The following HSPG2 variants were observed in gnomAD, a reference collection of about 807,000 sequenced individuals.
HSPG2 encodes basement membrane-specific heparan sulfate proteoglycan core protein.
In HSPG2, 278 loss-of-function variants were observed where a neutral mutation model predicts 526.6. That is an observed-to-expected ratio of 0.53 (90% CI 0.48 to 0.58). The LOEUF is 0.58. Among genes scored for constraint, HSPG2 ranks in the 20% least tolerant of loss-of-function variants. The probability of loss-of-function intolerance (pLI) is 0.00; values close to 1 mark genes in which losing one functional copy is unlikely to be tolerated. For synonymous variants in HSPG2, 2,465 were observed against 2,555.4 expected (o/e 0.96, Z 1.07); for missense variants, 5,354 against 6,099.5 (o/e 0.88, Z 4.07).
At chr1:21,829,270 G>A (rs2097991265) in intron 87 of HSPG2, 113 bp downstream of exon 87, 8 of 1,383,192 alleles carry the variant, frequency 5.8e-6, no homozygotes, top group African/African-American at 2.8e-5. Context: ...ACAGGAAGAG[G>A]GGACTTGCCC....
Position 21,844,308 on chromosome 1 carries a change from C to T in HSPG2, c.8465-9G>A, listed in dbSNP as rs774053797. On this transcript the variant is annotated splice_polypyrimidine_tract_variant and intron_variant, in intron 64 of 96. Coordinates refer to ENST00000374695, the MANE Select transcript of HSPG2 (RefSeq NM_005529.7). ...TGGGGCTCCACCTGGGGCTGGGGCA[C>T]AGGGGAGAGGTCAGTGAGCTGAGAT... 5.0e-6 allele frequency: 8 copies of T among 1,610,472 alleles called. No individual in the cohort carries two copies. In the East Asian group the frequency reaches 1.6e-4, roughly 31 times the overall value.
At chr1:21,894,604 G>A (rs1425195700) in intron 3 of HSPG2, among the ~76,000 whole-genome samples, 1 of 152,076 alleles carries the variant, frequency 6.6e-6, no homozygotes, top group Non-Finnish European at 1.5e-5. Context: ...CTCTGGCCTC[G>A]TCTGCCCTCA....
In HSPG2 at chr1:21,831,691, C is replaced by A; in HGVS notation, c.11313G>T (p.Leu3771=). ...TGACCGGGGCCAGGTCACCCACAAT[C>A]AGGGAGCCCTGGGTGAGGCTGCGCA... ...TLLRSLTQGS[L]IVGDLAPVNG... Residue 3771 remains leucine, a synonymous_variant, in exon 82 of 97, where the codon CTG becomes CTT. Transcript: ENST00000374695. 6.2e-7 allele frequency: 1 copy of A among 1,605,870 alleles called. No individual in the cohort carries two copies. The highest frequency in any genetic ancestry group is 8.5e-7 in the Non-Finnish European group (1 of 1,175,598).
intron 1 of HSPG2, among the ~76,000 whole-genome samples, chr1:21,928,463 CAG>C (rs1644262772): frequency 6.6e-6 from 1 of 152,226 alleles, no homozygotes; most frequent in Non-Finnish European, 1.5e-5. Context: ...AGTTTTGAGA[CAG>C]AGTCTCGCAA....
At chr1:21,916,071 G>GAA (rs1027701117) in intron 1 of HSPG2, among the ~76,000 whole-genome samples, 1 of 122,468 alleles carries the variant, frequency 8.2e-6, no homozygotes, top group African/African-American at 3.4e-5. Flanking sequence ...AGAAGAAGAA[G>GAA]AAAAAAAAAA....
chr1:21,865,432 C>G lies in HSPG2; in HGVS notation c.4315-67G>C, dbSNP rs1471123640. 1 of 1,434,360 alleles carries G rather than the reference C, an allele frequency of 7.0e-7. No homozygotes were observed. The highest frequency in any genetic ancestry group is 1.4e-5 in the African/African-American group (1 of 71,374). The allele number at this position is 1,434,360 out of a possible 1,614,324, so 88.9% of individuals were successfully genotyped here. A position where few individuals can be genotyped will look rare whatever the true frequency, so the allele number is the denominator to read the frequency against. ...CCCTGGGGTGCCAGGGTGTCCTCCACCAGTCCTAGATTCTCTGTAACCCCC... is the reference window on the plus strand; with the variant it reads ...CCCTGGGGTGCCAGGGTGTCCTCCAGCAGTCCTAGATTCTCTGTAACCCCC... On this transcript the variant is annotated intron_variant, in intron 34 of 96. Transcript: ENST00000374695. The surrounding 1 kb of genome is among the most constrained non-coding windows in gnomAD (Gnocchi z 5.4).
chr1:21,910,377 C>CT (rs1289201913), intron 1 of HSPG2, among the ~76,000 whole-genome samples: 1 of 152,222 alleles, frequency 6.6e-6, no homozygotes, highest in Non-Finnish European at 1.5e-5. Context: ...AAAATGCCTC[C>CT]TCCAGGAAGC....
At chr1:21,844,457 G>A (rs374127482) in intron 64 of HSPG2, among the ~76,000 whole-genome samples, 158 bp from the exon 65 acceptor site, 1 of 152,232 alleles carries the variant, frequency 6.6e-6, no homozygotes, top group Admixed American at 6.5e-5. Flanking sequence ...AGCCTGGGAG[G>A]TGGAGGCACT....
At chr1:21,878,850 G>T in intron 18 of HSPG2, 144 bp downstream of exon 18, 1 of 1,222,666 alleles carries the variant, frequency 8.2e-7, no homozygotes, top group Middle Eastern at 2.7e-4. Context: ...GGAAACAGAG[G>T]CCTAGAGAGG....
Position 21,828,891 on chromosome 1 carries a change from C to A in HSPG2, c.12181G>T (p.Val4061Leu), listed in dbSNP as rs751181582. The A allele has an allele frequency of 1.3e-6, 2 of 1,554,748 alleles. No homozygotes were observed. Residue 4061 changes from valine (V) to leucine (L), a missense_variant, in exon 88 of 97, where the codon GTG becomes TTG. Transcript: ENST00000374695. This position sits in a 1 kb window ranked among gnomAD's most constrained non-coding sequence, Gnocchi z 6.0. ...ATGTTGGTGGCCGGGGACAGTGGCA[C>A]GGAAGGCTCCACACCCCCCAGGTAG... ...LLYLGGVEPSVPLSPATNMSA... is the reference protein window; with the variant it reads ...LLYLGGVEPSLPLSPATNMSA...
intron 1 of HSPG2, among the ~76,000 whole-genome samples, chr1:21,934,885 G>A (rs368566408): frequency 1.3e-5 from 2 of 151,784 alleles, no homozygotes; most frequent in South Asian, 2.1e-4. Context: ...GTGTGCCACC[G>A]CGCCTGGCCC....
At chr1:21,909,448 GACC>G (rs1163585063) in intron 1 of HSPG2, among the ~76,000 whole-genome samples, 1 of 152,158 alleles carries the variant, frequency 6.6e-6, no homozygotes, top group Non-Finnish European at 1.5e-5. Flanking sequence ...AAGGAAACCT[GACC>G]AGTCCCTAGA....
intron 1 of HSPG2, among the ~76,000 whole-genome samples, chr1:21,907,714 A>AT (rs1202077118): frequency 6.6e-6 from 1 of 151,974 alleles, no homozygotes; most frequent in Non-Finnish European, 1.5e-5. Flanking sequence ...AGGTCTCGCT[A>AT]TGTTGCCCAG....
rs2098047109 is a variant in HSPG2 at position 21,841,219 on chromosome 1, A to G, written c.9395T>C (p.Leu3132Pro). ...GGGCTCCCCGGCACTGACACACTCC[A>G]GGGTGACAGCCTTTCCCACTTTCAC... Reference protein sequence around the residue: ...VWVKVGKAVTLECVSAGEPRS... With the variant: ...VWVKVGKAVTPECVSAGEPRS... The change falls in exon 71 of 97, where the codon CTG (leucine) becomes CCG (proline). Residue 3132 changes from leucine (L) to proline (P), a missense_variant. Coordinates refer to ENST00000374695, the MANE Select transcript of HSPG2 (RefSeq NM_005529.7). 1.2e-6 allele frequency: 2 copies of G among 1,613,892 alleles called. No individual in the cohort carries two copies. Among genetic ancestry groups the G allele is most frequent in the Non-Finnish European group, 1.7e-6 (2 of 1,180,036 alleles).
Position 21,841,783 on chromosome 1 carries a change from G to T in HSPG2, c.9194-110C>A, listed in dbSNP as rs34470509. 79,804 of 1,442,394 alleles carry T rather than the reference G, an allele frequency of 0.055. 2,669 individuals are homozygous for T. Among genetic ancestry groups the T allele is most frequent in the South Asian group, 0.11 (9,197 of 85,132 alleles). 89.3% of individuals were successfully genotyped at this position (1,442,394 alleles called of 1,614,324 possible). ...CACTTCCCCAATCCCTCCGGCCTGG[G>T]TGTGTCTAGCTCATGGAGTCGCAGA... On this transcript the variant is annotated intron_variant, in intron 69 of 96. Transcript: ENST00000374695.
rs143419262 is a variant in HSPG2 at position 21,854,343 on chromosome 1, C to T, written c.6289G>A (p.Val2097Met). 5.8e-5 allele frequency: 91 copies of T among 1,566,652 alleles called. No homozygotes were observed. The African/African-American group carries it at 1.0e-3, about 18-fold the overall frequency. Residue 2097 changes from valine (V) to methionine (M), a missense_variant and splice_region_variant, in exon 50 of 97, where the codon GTG becomes ATG. Coordinates refer to ENST00000374695, the MANE Select transcript of HSPG2 (RefSeq NM_005529.7). Reference sequence around the variant, plus strand: ...GGGAGCCGCAGACGGGAGCCGTGCACCTGGGCCAGGAGGAGCCAGAGGTAC... The same window carrying T: ...GGGAGCCGCAGACGGGAGCCGTGCATCTGGGCCAGGAGGAGCCAGAGGTAC... ...RGGSLPPHTQ[V>M]HGSRLRLPQV...
intron 91 of HSPG2, among the ~76,000 whole-genome samples, chr1:21,826,025 C>T (rs1405775869): frequency 6.6e-6 from 1 of 152,054 alleles, no homozygotes; most frequent in Admixed American, 6.5e-5. Flanking sequence ...TCAGGTGATC[C>T]ACCCACCTTG....
Position 21,904,054 on chromosome 1 carries a change from T to C in HSPG2, c.64-7744A>G, listed in dbSNP as rs920492612. Among the ~76,000 whole-genome samples the C allele has an allele frequency of 6.6e-6, 1 of 152,192 alleles. No individual in the cohort carries two copies. On this transcript the variant is annotated intron_variant, in intron 1 of 96. Coordinates refer to ENST00000374695, the MANE Select transcript of HSPG2 (RefSeq NM_005529.7). This position sits in a 1 kb window ranked among gnomAD's most constrained non-coding sequence, Gnocchi z 4.4. ...ACCTCGACTTACGGGGTACCTACTA[T>C]GTGCTGGGCCCGGGGGACAAAATGT...
chr1:21,881,942 CAAAAAAAA>C lies in HSPG2; in HGVS notation c.1655-448_1655-441del, dbSNP rs10570430. On this transcript the variant is annotated intron_variant, in intron 13 of 96. Transcript: ENST00000374695. ...TGGGTGACAGAGCAAGACTCTGTCT[CAAAAAAAA>C]AAAAAAAAAAAAAAGAAAGAAAAGA... is the stretch of plus-strand genomic sequence containing the variant. Among the ~76,000 whole-genome samples the C allele has an allele frequency of 8.0e-5, 7 of 87,248 alleles. No individual in the cohort carries two copies. In the South Asian group the frequency reaches 2.1e-3, roughly 26 times the overall value. 57.2% of individuals were successfully genotyped at this position (87,248 alleles called of 152,430 possible). A position where few individuals can be genotyped will look rare whatever the true frequency, so the allele number is the denominator to read the frequency against.
Sources: gnomAD v4.1 joint callset for allele counts (sites outside exome capture counted in the v4.1 genomes callset) on GRCh38, gnomAD v4.1.1 for gene constraint, Gnocchi (gnomAD v3.1) non-coding constraint, MANE v1.5 for transcripts, NCBI Gene and HGNC (gene_info 2026-07-23, HGNC 2026-07-21) for gene names.